ARHGAP17: variants seen among roughly 807,000 people sequenced by gnomAD.
ARHGAP17 encodes the protein rho GTPase-activating protein 17.
A neutral mutation model predicts 99.5 loss-of-function variants in ARHGAP17; 57 were observed. That is an observed-to-expected ratio of 0.57 (90% CI 0.46 to 0.71). The LOEUF (loss-of-function observed/expected upper bound fraction) is 0.71, where lower values mean the gene tolerates loss of function less well. Ranked by LOEUF, ARHGAP17 falls within the 30% of genes least tolerant of loss-of-function variation. The pLI, the probability that ARHGAP17 is intolerant of heterozygous loss-of-function variation, is 0.00. For missense variants in ARHGAP17, 1,000 were observed against 1,122.4 expected (o/e 0.89, Z 1.56); for synonymous variants, 417 against 429.6 (o/e 0.97, Z 0.36).
In ARHGAP17 at chr16:24,930,615, T is replaced by C. The variant is rs546096175; in HGVS notation, c.2515+169A>G. The C allele has an allele frequency of 1.2e-4, 132 of 1,113,454 alleles. 1 individual carries two copies. In the South Asian group the frequency reaches 1.6e-3, roughly 13 times the overall value. 69.0% of individuals were successfully genotyped at this position (1,113,454 alleles called of 1,614,324 possible). Reference sequence around the variant, plus strand: ...CAATATGTTAACAAATGGGTGTAGCTGTGTTCCAATAAAACTTTAATGACA... The same window carrying C: ...CAATATGTTAACAAATGGGTGTAGCCGTGTTCCAATAAAACTTTAATGACA... On this transcript the variant is annotated intron_variant, in intron 19 of 19. Transcript: ENST00000289968.
At chr16:24,948,618 G>T (rs1383454454) in intron 13 of ARHGAP17, among the ~76,000 whole-genome samples, 1 of 152,040 alleles carries the variant, frequency 6.6e-6, no homozygotes, top group Non-Finnish European at 1.5e-5. Flanking sequence ...CAAGGTGGGT[G>T]AGTTAAATTA....
rs772453884 is a variant in ARHGAP17, at chr16:24,968,331, T to C, written c.461+20A>G. ...GGTGGGAATGGGACACAATGCTGCA[T>C]TGCTGGCTCAAGCTGTTACCTGGCT... On this transcript the variant is annotated intron_variant, in intron 6 of 19. Coordinates refer to ENST00000289968, the MANE Select transcript of ARHGAP17 (RefSeq NM_001006634.3). The C allele has an allele frequency of 1.2e-5, 20 of 1,613,388 alleles. No homozygotes were observed. Among genetic ancestry groups the C allele is most frequent in the South Asian group, 2.2e-5 (2 of 91,072 alleles).
chr16:24,972,404 A>C (rs1336699621), intron 3 of ARHGAP17, among the ~76,000 whole-genome samples: 4 of 152,208 alleles, frequency 2.6e-5, no homozygotes, highest in Non-Finnish European at 5.9e-5. Context: ...TTTTTTGTAG[A>C]GACAAGGTCT....
chr16:24,934,884 G>A (rs1273021592), intron 18 of ARHGAP17, among the ~76,000 whole-genome samples: 1 of 152,234 alleles, frequency 6.6e-6, no homozygotes, highest in Admixed American at 6.5e-5. Flanking sequence ...AGAGTGGAGT[G>A]TGTTGAGAGG....
chr16:25,012,033 C>T (rs1409825816), intron 1 of ARHGAP17, among the ~76,000 whole-genome samples: 1 of 152,114 alleles, frequency 6.6e-6, no homozygotes, highest in African/African-American at 2.4e-5. Flanking sequence ...CTACCTCTTC[C>T]ACGTATCTCC....
chr16:24,968,863 G>A (rs2052276086), intron 4 of ARHGAP17, 91 bp from the exon 5 acceptor site: 2 of 1,231,840 alleles, frequency 1.6e-6, no homozygotes, highest in Admixed American at 1.9e-5. Flanking sequence ...CCATACAACA[G>A]GAACGCATTA....
chr16:24,957,209 T>A (rs2051836002), intron 9 of ARHGAP17: 1 of 152,318 alleles, frequency 6.6e-6, no homozygotes, highest in Admixed American at 6.6e-5. Flanking sequence ...AAAGGTGATA[T>A]AAGGGAGACA....
chr16:24,964,190 C>T lies in ARHGAP17; in HGVS notation c.573+7G>A. 1 of 1,535,728 alleles carries T rather than the reference C, an allele frequency of 6.5e-7. No homozygotes were observed. Among genetic ancestry groups the T allele is most frequent in the Non-Finnish European group, 8.8e-7 (1 of 1,136,502 alleles). On this transcript the variant is annotated splice_region_variant and intron_variant, in intron 7 of 19. Coordinates refer to ENST00000289968, the MANE Select transcript of ARHGAP17 (RefSeq NM_001006634.3). ...GAAAAGATACATTTATCAAGGAATT[C>T]TCATACCTTGCACTGTTCTACTTTA...
chr16:24,959,828 C>A (rs1317089301), intron 8 of ARHGAP17, 76 bp from the exon 9 acceptor site: 3 of 1,603,174 alleles, frequency 1.9e-6, no homozygotes, highest in Non-Finnish European at 2.6e-6. Context: ...CTGAGCAAAA[C>A]TAAAAATGAA....
intron 7 of ARHGAP17, among the ~76,000 whole-genome samples, chr16:24,963,273 TGA>T (rs1395751220): frequency 1.3e-5 from 2 of 152,324 alleles, no homozygotes; most frequent in African/African-American, 4.8e-5. Flanking sequence ...CATAACTTTG[TGA>T]GTTTAGTTTT....
chr16:24,998,790 C>T (rs1170225080), intron 1 of ARHGAP17, among the ~76,000 whole-genome samples: 3 of 152,118 alleles, frequency 2.0e-5, no homozygotes, highest in Non-Finnish European at 4.4e-5. Flanking sequence ...GCTATTATTC[C>T]GCAGAACAGG....
chr16:24,940,883 T>C (rs981839211), intron 16 of ARHGAP17, among the ~76,000 whole-genome samples: 7 of 152,206 alleles, frequency 4.6e-5, no homozygotes, highest in African/African-American at 1.7e-4. Flanking sequence ...TCGTGCTTAC[T>C]GGGTCAGCTG....
intron 1 of ARHGAP17, among the ~76,000 whole-genome samples, chr16:24,986,164 G>T (rs940611638): frequency 6.6e-6 from 1 of 152,176 alleles, no homozygotes; most frequent in Non-Finnish European, 1.5e-5. Flanking sequence ...CATATTTGCT[G>T]GGTGCTTTCT....
At chr16:25,011,664 A>C (rs1418359268) in intron 1 of ARHGAP17, among the ~76,000 whole-genome samples, 2 of 148,420 alleles carry the variant, frequency 1.3e-5, no homozygotes, top group Admixed American at 6.9e-5. Context: ...GCGCCACTAC[A>C]CTCCAACCTG....
chr16:24,982,993 T>TTTAA, intron 1 of ARHGAP17, among the ~76,000 whole-genome samples: 2 of 32,314 alleles, frequency 6.2e-5, no homozygotes, highest in Non-Finnish European at 1.1e-4. Context: ...TATATATATA[T>TTTAA]ATATTTTTTT....
intron 3 of ARHGAP17, among the ~76,000 whole-genome samples, chr16:24,974,810 T>C (rs1454210057): frequency 6.6e-6 from 1 of 152,082 alleles, no homozygotes; most frequent in African/African-American, 2.4e-5. Context: ...CAGAGAGAAA[T>C]CAAAGGACTT....
intron 1 of ARHGAP17, among the ~76,000 whole-genome samples, chr16:25,010,320 T>C (rs1201778139): frequency 1.4e-4 from 22 of 152,244 alleles, no homozygotes; most frequent in Admixed American, 1.4e-3. Flanking sequence ...GTGATCCTCC[T>C]ACCTCGGGCT....
At chr16:25,002,661 G>A (rs1326135400) in intron 1 of ARHGAP17, among the ~76,000 whole-genome samples, 1 of 152,216 alleles carries the variant, frequency 6.6e-6, no homozygotes, top group Non-Finnish European at 1.5e-5. Flanking sequence ...TGGATGGCCT[G>A]TATTTTAGTC....
chr16:24,991,141 C>T (rs1007950744), intron 1 of ARHGAP17, among the ~76,000 whole-genome samples: 1 of 152,204 alleles, frequency 6.6e-6, no homozygotes, highest in African/African-American at 2.4e-5. Context: ...TGGAGTCAAA[C>T]ATACCAGACT....
Sources: gnomAD v4.1 joint callset for allele counts (sites outside exome capture counted in the v4.1 genomes callset) on GRCh38, gnomAD v4.1.1 for gene constraint, MANE v1.5 for transcripts, NCBI Gene and HGNC (gene_info 2026-07-23, HGNC 2026-07-21) for gene names.